Variants in SKP2 observed in about 807,000 individuals in gnomAD.
The protein encoded by SKP2 is S-phase kinase-associated protein 2.
SKP2 carries 16 observed loss-of-function variants against 51.8 expected under a neutral mutation model. That is an observed-to-expected ratio of 0.31 (90% CI 0.21 to 0.47). The LOEUF is 0.47. Among genes scored for constraint, SKP2 ranks in the 20% least tolerant of loss-of-function variants. The probability of loss-of-function intolerance (pLI) is 1.00; values close to 1 mark genes in which losing one functional copy is unlikely to be tolerated. For missense variants in SKP2, 377 were observed against 505.3 expected, an observed-to-expected ratio of 0.75 and a Z score of 2.43; for synonymous variants, 176 against 198.6, an observed-to-expected ratio of 0.89 and a Z score of 0.96.
At chr5:36,189,541 G>A (rs2112026032) in intron 6 of SKP2, among the ~76,000 whole-genome samples, 1 of 152,318 alleles carries the variant, frequency 6.6e-6, no homozygotes, top group Middle Eastern at 3.4e-3. Context: ...AGCGAATATT[G>A]CTGAACAGCA....
At chr5:36,190,096 C>T (rs976260870) in intron 6 of SKP2, among the ~76,000 whole-genome samples, 4 of 152,128 alleles carry the variant, frequency 2.6e-5, no homozygotes, top group Admixed American at 1.3e-4. Context: ...GGGAGTGACC[C>T]GATTTTCCAG....
chr5:36,183,577 T>C lies in SKP2; in HGVS notation c.*1546T>C. On this transcript the variant is annotated 3_prime_UTR_variant, in exon 10 of 10. Coordinates refer to ENST00000274255, the MANE Select transcript of SKP2 (RefSeq NM_005983.4). Reference sequence around the variant, plus strand: ...CAACTGCGCCCAGCCAAATTCTACTTCTTAAAAATCACAAAAACTAGTTTA... The same window carrying C: ...CAACTGCGCCCAGCCAAATTCTACTCCTTAAAAATCACAAAAACTAGTTTA... 1 of 1,067,888 alleles carries C rather than the reference T, an allele frequency of 9.4e-7. No individual in the cohort carries two copies. Among genetic ancestry groups the C allele is most frequent in the Non-Finnish European group, 1.1e-6 (1 of 884,618 alleles). 66.2% of individuals were successfully genotyped at this position (1,067,888 alleles called of 1,614,324 possible).
chr5:36,172,709 C>T (rs1745512676), intron 7 of SKP2, among the ~76,000 whole-genome samples: 1 of 152,180 alleles, frequency 6.6e-6, no homozygotes, highest in African/African-American at 2.4e-5. Context: ...CAGATGTCCT[C>T]TGGTAAGATG....
chr5:36,184,983 T>G (rs1048365754), downstream of SKP2, among the ~76,000 whole-genome samples: 117 of 152,316 alleles, frequency 7.7e-4, no homozygotes, highest in African/African-American at 2.6e-3. Context: ...TATCTCATTG[T>G]GGTTTTGATT....
At chr5:36,188,195 C>T (rs376436726), downstream of SKP2, among the ~76,000 whole-genome samples, 23 of 152,196 alleles carry the variant, frequency 1.5e-4, no homozygotes, top group South Asian at 1.4e-3. Context: ...TTTGCCAGTC[C>T]GTGTCTGTTA....
chr5:36,191,135 C>T (rs988185730), intron 6 of SKP2, among the ~76,000 whole-genome samples: 2 of 152,266 alleles, frequency 1.3e-5, no homozygotes, highest in Non-Finnish European at 2.9e-5. Context: ...GTTAATCTTT[C>T]CCCTATTCCC....
rs1481559643 is a variant in SKP2 at position 36,152,231 on chromosome 5, A to G, written c.-32A>G. On this transcript the variant is annotated 5_prime_UTR_variant, in exon 1 of 10. Transcript: ENST00000274255. Reference sequence around the variant, plus strand: ...AGGCGAGCAGCTCTGCAGTTAATGCACGTATTTTAAACTCCCGGGCCTGCG... The same window carrying G: ...AGGCGAGCAGCTCTGCAGTTAATGCGCGTATTTTAAACTCCCGGGCCTGCG... The G allele has an allele frequency of 6.2e-7, 1 of 1,613,006 alleles. No homozygotes were observed. The highest frequency in any genetic ancestry group is 8.5e-7 in the Non-Finnish European group (1 of 1,179,092).
chr5:36,187,079 T>C (rs182121676), downstream of SKP2, among the ~76,000 whole-genome samples: 1,992 of 152,266 alleles, frequency 0.013, 22 homozygotes, highest in South Asian at 0.044. Flanking sequence ...TCTGTGGGAT[T>C]GGTGGTGATA....
rs1483220736 is a variant in SKP2 at position 36,182,874 on chromosome 5, T to C, written c.*843T>C. 3.2e-5 allele frequency: 32 copies of C among 985,062 alleles called. No individual in the cohort carries two copies. The highest frequency in any genetic ancestry group is 3.7e-5 in the Non-Finnish European group (31 of 829,686). 61.0% of individuals were successfully genotyped at this position (985,062 alleles called of 1,614,324 possible). The stretch of plus-strand genomic sequence containing the variant: ...CTTTGTTTTAGAAAGGTGGTATTAA[T>C]CCACTCTCTATTCTTGAAAATTTGG... On this transcript the variant is annotated 3_prime_UTR_variant, in exon 10 of 10. Transcript: ENST00000274255.
rs1745839339 is a variant in SKP2, at chr5:36,182,384, A to G, written c.*353A>G. 2.9e-6 allele frequency: 3 copies of G among 1,038,840 alleles called. No homozygotes were observed. The highest frequency in any genetic ancestry group is 2.3e-6 in the Non-Finnish European group (2 of 862,744). The allele number at this position is 1,038,840 out of a possible 1,614,324, so 64.4% of individuals were successfully genotyped here. ...CAAGCTTAAAAATTACCACCAGCAA[A>G]CAATCTTCATAGCCCATATAACTTT... On this transcript the variant is annotated 3_prime_UTR_variant, in exon 10 of 10. Coordinates refer to ENST00000274255, the MANE Select transcript of SKP2 (RefSeq NM_005983.4).
In SKP2 at chr5:36,183,897, A is replaced by T. The variant is rs764523268; in HGVS notation, c.*1866A>T. Reference sequence around the variant, plus strand: ...TGGACTCTGACATCGGATGCCCTCAAACATACAGAACTTCCAAACTCAAGT... The same window carrying T: ...TGGACTCTGACATCGGATGCCCTCATACATACAGAACTTCCAAACTCAAGT... On this transcript the variant is annotated 3_prime_UTR_variant, in exon 10 of 10. Transcript: ENST00000274255. The T allele has an allele frequency of 6.2e-7, 1 of 1,611,248 alleles. No individual in the cohort carries two copies. The highest frequency in any genetic ancestry group is 1.1e-5 in the South Asian group (1 of 90,824).
At chr5:36,180,179 G>C (rs964927365) in intron 9 of SKP2, 4 of 776,508 alleles carry the variant, frequency 5.2e-6, no homozygotes, top group Non-Finnish European at 8.1e-6. Context: ...GTGCAGAATG[G>C]CTCACAATTT....
At chr5:36,154,399 G>A (rs555113410) in intron 2 of SKP2, among the ~76,000 whole-genome samples, 1 of 152,268 alleles carries the variant, frequency 6.6e-6, no homozygotes, top group African/African-American at 2.4e-5. Context: ...GAGCGAAAGG[G>A]AGAGTCGGGG....
rs775248196 is a variant in SKP2 at position 36,181,851 on chromosome 5, A to G, written c.1095A>G (p.Leu365=). ...ELGEIPTLKT[L]QVFGIVPDGT... ...GAGAAATTCCCACACTAAAAACACT[A>G]CAAGTTTTTGGAATCGTGCCAGATG... is the stretch of plus-strand genomic sequence containing the variant. The change falls in exon 10 of 10, where the codon CTA becomes CTG. Residue 365 remains leucine, a synonymous_variant. Coordinates refer to ENST00000274255, the MANE Select transcript of SKP2 (RefSeq NM_005983.4). 3 of 1,613,728 alleles carry G rather than the reference A, an allele frequency of 1.9e-6. No individual in the cohort carries two copies. Among genetic ancestry groups the G allele is most frequent in the Non-Finnish European group, 2.5e-6 (3 of 1,179,608 alleles).
chr5:36,165,504 C>CAG (rs1213635578), intron 3 of SKP2, among the ~76,000 whole-genome samples: 1 of 152,162 alleles, frequency 6.6e-6, no homozygotes, highest in African/African-American at 2.4e-5. Context: ...TCAAGACAAC[C>CAG]AGAGCAGTGC....
intron 2 of SKP2, among the ~76,000 whole-genome samples, chr5:36,161,405 C>T (rs528768284): frequency 9.2e-5 from 14 of 151,766 alleles, no homozygotes; most frequent in African/African-American, 2.7e-4. Flanking sequence ...GTTGATGTCA[C>T]GGGAGGCCTT....
intron 4 of SKP2, among the ~76,000 whole-genome samples, chr5:36,167,820 A>G (rs1003976158): frequency 2.0e-5 from 3 of 152,110 alleles, no homozygotes; most frequent in African/African-American, 7.2e-5. Flanking sequence ...GGGTTTCACC[A>G]TGCTGGCCAG....
downstream of SKP2, among the ~76,000 whole-genome samples, chr5:36,187,234 C>T (rs1745964315): frequency 6.6e-6 from 1 of 152,014 alleles, no homozygotes; most frequent in African/African-American, 2.4e-5. Flanking sequence ...TGTCTGTCTC[C>T]TTCAATTCTG....
Position 36,163,451 on chromosome 5 carries a change from C to T in SKP2, c.281-194C>T, listed in dbSNP as rs544982421. 1.2e-4 allele frequency among the ~76,000 whole-genome samples: 19 copies of T among 152,240 alleles called. No individual in the cohort carries two copies. In the South Asian group the frequency reaches 3.5e-3, roughly 28 times the overall value. On this transcript the variant is annotated intron_variant, in intron 2 of 9. Transcript: ENST00000274255. The stretch of plus-strand genomic sequence containing the variant: ...GGAATTTAACACGAATTAAATTACT[C>T]ATCACCACAATTATTTTTCTGTTCA...
Sources: allele counts gnomAD v4.1 joint callset (sites outside exome capture counted in the v4.1 genomes callset), GRCh38; gene constraint gnomAD v4.1.1; transcripts MANE v1.5; gene names NCBI Gene and HGNC (gene_info 2026-07-23, HGNC 2026-07-21).